PJA2: variants seen among roughly 807,000 people sequenced by gnomAD.
The protein encoded by PJA2 is praja ring finger ubiquitin ligase 2.
Under a neutral mutation model 69.3 loss-of-function variants are expected in PJA2, and 25 were observed. The observed-to-expected ratio is 0.36, with a 90% confidence interval of 0.26 to 0.50. The LOEUF (loss-of-function observed/expected upper bound fraction) is 0.50, where lower values mean the gene tolerates loss of function less well. Among genes scored for constraint, PJA2 ranks in the 20% least tolerant of loss-of-function variants. The pLI, the probability that PJA2 is intolerant of heterozygous loss-of-function variation, is 0.96. For missense variants in PJA2, 809 were observed against 830.2 expected (o/e 0.97, Z 0.31); for synonymous variants, 308 against 277.8 (o/e 1.11, Z -1.08).
intron 1 of PJA2, among the ~76,000 whole-genome samples, chr5:109,386,712 A>T (rs1056715346): frequency 2.0e-5 from 3 of 152,154 alleles, no homozygotes; most frequent in Non-Finnish European, 4.4e-5. Flanking sequence ...GTTGGAGGCA[A>T]ACACTGAGTC....
In PJA2 at chr5:109,378,307, T is replaced by C; in HGVS notation, c.1180A>G (p.Met394Val). 3 of 1,614,122 alleles carry C rather than the reference T, an allele frequency of 1.9e-6. No homozygotes were observed. The highest frequency in any genetic ancestry group is 2.5e-6 in the Non-Finnish European group (3 of 1,179,976). The stretch of plus-strand genomic sequence containing the variant: ...GCTGTGGCTCCACTTTCTGATGTCA[T>C]TTGGTTATTTTCTGTTTCCCTTTGT... Reference protein sequence around the residue: ...ITQRETENNQMTSESGATAGR... With the variant: ...ITQRETENNQVTSESGATAGR... Residue 394 changes from methionine to valine, a missense_variant, in exon 4 of 10, where the codon ATG becomes GTG. Around this residue, in one of 4 missense-constraint regions of PJA2, gnomAD observed 700 missense variants for 639.5 expected, o/e 1.09. Transcript: ENST00000361189.
intron 4 of PJA2, among the ~76,000 whole-genome samples, chr5:109,376,404 C>T (rs1384369286): frequency 2.0e-5 from 3 of 151,898 alleles, no homozygotes; most frequent in Non-Finnish European, 4.4e-5. Context: ...GAATACACTT[C>T]CACCACTGAC....
chr5:109,342,675 C>G (rs1762096690), intron 9 of PJA2, among the ~76,000 whole-genome samples: 2 of 129,106 alleles, frequency 1.5e-5, no homozygotes, highest in East Asian at 2.4e-4. Flanking sequence ...CCCCGCCTGG[C>G]CAGCCGCCCC....
rs963870710 is a variant in PJA2, at chr5:109,345,532, A to C, written c.1765-713T>G. ...CTGTCTCAAAAAAAAAAAAAAAAAA[A>C]AACTACCTTGTCTCAATAATCATCT... On this transcript the variant is annotated intron_variant, in intron 7 of 9. Transcript: ENST00000361189. 7.3e-5 allele frequency among the ~76,000 whole-genome samples: 11 copies of C among 151,720 alleles called. 1 individual carries two copies. Among genetic ancestry groups the C allele is most frequent in the Non-Finnish European group, 1.6e-4 (11 of 67,912 alleles).
rs200556746 is a variant in PJA2 at position 109,378,731 on chromosome 5, A to G, written c.756T>C (p.Asn252=). 4.3e-6 allele frequency: 7 copies of G among 1,612,860 alleles called. No individual in the cohort carries two copies. The East Asian group carries it at 8.9e-5, about 21-fold the overall frequency. The change falls in exon 4 of 10, where the codon AAT becomes AAC. Residue 252 remains asparagine, a synonymous_variant. Transcript: ENST00000361189. ...SAGDTEFVHQ[N]SQEIQRSSQD... The stretch of plus-strand genomic sequence containing the variant: ...GAGAAGACCTCTGAATTTCCTGGCT[A>G]TTCTGATGGACAAACTCAGTATCAC...
chr5:109,403,243 A>T (rs73209533), intron 1 of PJA2, among the ~76,000 whole-genome samples: 4,819 of 152,216 alleles, frequency 0.032, 257 homozygotes, highest in African/African-American at 0.11. Flanking sequence ...GAAATAAGAC[A>T]AATGCCTTGA....
At chr5:109,387,200 T>A (rs549048036) in intron 1 of PJA2, among the ~76,000 whole-genome samples, 1 of 152,308 alleles carries the variant, frequency 6.6e-6, no homozygotes, top group Non-Finnish European at 1.5e-5. Flanking sequence ...TACTTTCTTA[T>A]TCTGTGATTA....
Position 109,356,046 on chromosome 5 carries a change from A to G in PJA2, c.1653-20T>C. On this transcript the variant is annotated intron_variant, in intron 6 of 9. Coordinates refer to ENST00000361189, the MANE Select transcript of PJA2 (RefSeq NM_014819.5). The stretch of plus-strand genomic sequence containing the variant: ...AATAGGCTGAAAAAAAAAAAAAATA[A>G]CAGAAAAAACTCACCACTATGATTT... 6.6e-7 allele frequency: 1 copy of G among 1,518,528 alleles called. No homozygotes were observed. The highest frequency in any genetic ancestry group is 1.1e-5 in the South Asian group (1 of 88,382). 94.1% of individuals were successfully genotyped at this position (1,518,528 alleles called of 1,614,324 possible). A position where few individuals can be genotyped will look rare whatever the true frequency, so the allele number is the denominator to read the frequency against.
chr5:109,383,299 T>C (rs1249774314), intron 2 of PJA2, 104 bp downstream of exon 2: 4 of 963,430 alleles, frequency 4.2e-6, no homozygotes, highest in Non-Finnish European at 6.3e-6. Flanking sequence ...ACCAGCCTTT[T>C]AGTAAGACCA....
intron 1 of PJA2, among the ~76,000 whole-genome samples, chr5:109,391,534 T>G (rs1406641858): frequency 6.6e-6 from 1 of 152,052 alleles, no homozygotes. Flanking sequence ...CCCTATTGTT[T>G]CCTGGCTTCC....
intron 4 of PJA2, among the ~76,000 whole-genome samples, chr5:109,373,832 T>C (rs1252121865): frequency 1.3e-5 from 2 of 152,188 alleles, no homozygotes; most frequent in African/African-American, 4.8e-5. Flanking sequence ...AAACTTGATA[T>C]ACAGAATGAA....
rs915408544 is a variant in PJA2, at chr5:109,334,983, TAAAA to T, written c.*2244_*2247del. On this transcript the variant is annotated 3_prime_UTR_variant, in exon 10 of 10. Transcript: ENST00000361189. ...CATATTATAAGAAATAAGAAAATGTTAAAAAAATAAAATTAGGTTAAGTCACAAC... is the reference window on the plus strand; with the variant it reads ...CATATTATAAGAAATAAGAAAATGTTAAATAAAATTAGGTTAAGTCACAAC... The T allele has an allele frequency of 2.1e-4, 32 of 152,628 alleles. No individual in the cohort carries two copies. The highest frequency in any genetic ancestry group is 7.7e-4 in the African/African-American group (32 of 41,548). The allele number at this position is 152,628 out of a possible 1,614,324, so 9.5% of individuals were successfully genotyped here.
At chr5:109,385,021 T>G (rs1747126056) in intron 1 of PJA2, among the ~76,000 whole-genome samples, 1 of 152,172 alleles carries the variant, frequency 6.6e-6, no homozygotes, top group African/African-American at 2.4e-5. Context: ...TTCACCATAT[T>G]GGTCAGGCTG....
At chr5:109,391,585 C>A (rs556691953) in intron 1 of PJA2, among the ~76,000 whole-genome samples, 2 of 151,328 alleles carry the variant, frequency 1.3e-5, no homozygotes, top group African/African-American at 4.9e-5. Context: ...GAGCTGAATA[C>A]ATATACTCAA....
At chr5:109,402,637 G>A (rs560877873) in intron 1 of PJA2, among the ~76,000 whole-genome samples, 13 of 152,258 alleles carry the variant, frequency 8.5e-5, no homozygotes, top group Non-Finnish European at 1.5e-4. Context: ...AGTAAGGAAA[G>A]AGAAGGCCTA....
At chr5:109,362,459 G>C (rs1196305165) in intron 6 of PJA2, among the ~76,000 whole-genome samples, 1 of 152,114 alleles carries the variant, frequency 6.6e-6, no homozygotes, top group African/African-American at 2.4e-5. Context: ...TATTCTTATT[G>C]TTTTCTGATT....
At chr5:109,390,347 C>A (rs2127012358) in intron 1 of PJA2, among the ~76,000 whole-genome samples, 1 of 151,728 alleles carries the variant, frequency 6.6e-6, no homozygotes, top group Middle Eastern at 3.4e-3. Context: ...TTTCTCTTAT[C>A]TCTCATAACA....
chr5:109,397,353 T>C (rs1471159739), intron 1 of PJA2, among the ~76,000 whole-genome samples: 1 of 152,190 alleles, frequency 6.6e-6, no homozygotes, highest in Non-Finnish European at 1.5e-5. Context: ...TATAAAAAGT[T>C]AATTTTAGAA....
intron 1 of PJA2, among the ~76,000 whole-genome samples, chr5:109,402,950 T>G (rs1261496015): frequency 6.6e-6 from 1 of 151,858 alleles, no homozygotes; most frequent in Non-Finnish European, 1.5e-5. Context: ...AAAAAAGGTC[T>G]CAAGTCAATG....
Sources: allele counts gnomAD v4.1 joint callset (sites outside exome capture counted in the v4.1 genomes callset), GRCh38; gene constraint gnomAD v4.1.1; regional missense constraint gnomAD v4.1.1; transcripts MANE v1.5; gene names NCBI Gene and HGNC (gene_info 2026-07-23, HGNC 2026-07-21).